Variants in LYPLAL1 observed in about 807,000 individuals in gnomAD.
LYPLAL1 encodes lysophospholipase-like protein 1.
In LYPLAL1, 23 loss-of-function variants were observed where a neutral mutation model predicts 19.7. The observed-to-expected ratio is 1.17, with a 90% confidence interval of 0.84 to 1.65. The LOEUF is 1.65. Among genes scored for constraint, LYPLAL1 ranks in the 40% most tolerant of loss-of-function variants. The pLI is 0.00. For missense variants in LYPLAL1, 355 were observed against 279.4 expected, an observed-to-expected ratio of 1.27 and a Z score of -1.93; for synonymous variants, 119 against 96.3, an observed-to-expected ratio of 1.24 and a Z score of -1.38.
the LYPLAL1 span, among the ~76,000 whole-genome samples, chr1:219,366,117 C>T: frequency 7.2e-5 from 11 of 152,188 alleles, no homozygotes; most frequent in South Asian, 2.1e-4. Flanking sequence ...AGCTACCTAA[C>T]GATGTGAATA....
chr1:219,306,845 TAGATAGAC>T, the LYPLAL1 span, among the ~76,000 whole-genome samples: 24 of 83,236 alleles, frequency 2.9e-4, no homozygotes, highest in African/African-American at 4.6e-4. Context: ...GATAGATAGA[TAGATAGAC>T]AGACAGACAG....
At chr1:219,232,003 C>T in the LYPLAL1 span, among the ~76,000 whole-genome samples, 32 of 152,260 alleles carry the variant, frequency 2.1e-4, no homozygotes, top group African/African-American at 7.5e-4. Flanking sequence ...ACTATTGTCC[C>T]TTCCTATACA....
In LYPLAL1 at chr1:219,212,441, A is replaced by G. The variant is rs560717365; in HGVS notation, c.*713A>G. ...ATAGCCAAAAGCCAATACATAATAA[A>G]CACTCAATAAAGATTAACCATAAGG... On this transcript the variant is annotated 3_prime_UTR_variant, in exon 5 of 5. Coordinates refer to ENST00000366928, the MANE Select transcript of LYPLAL1 (RefSeq NM_138794.5). 95 of 152,176 alleles carry G rather than the reference A, an allele frequency of 6.2e-4. 1 individual carries two copies. The South Asian group carries it at 0.019, about 31-fold the overall frequency. 9.4% of individuals were successfully genotyped at this position (152,176 alleles called of 1,614,324 possible).
the LYPLAL1 span, among the ~76,000 whole-genome samples, chr1:219,241,134 C>CTCTCTATATATATATATATATATA: frequency 6.8e-5 from 3 of 44,368 alleles, no homozygotes; most frequent in Admixed American, 3.5e-4. Flanking sequence ...CTCTCTCTCT[C>CTCTCTATATATATATATATATATA]TATATATATA....
chr1:219,215,214 C>T (rs143513191), downstream of LYPLAL1, among the ~76,000 whole-genome samples: 4 of 152,086 alleles, frequency 2.6e-5, no homozygotes, highest in East Asian at 3.9e-4. Flanking sequence ...CATTTGTTTT[C>T]GAAAGGTGTT....
At chr1:219,352,109 G>A in the LYPLAL1 span, among the ~76,000 whole-genome samples, 2 of 152,208 alleles carry the variant, frequency 1.3e-5, no homozygotes, top group African/African-American at 4.8e-5. Flanking sequence ...TAAGGAAAGA[G>A]CTTAAGGTCT....
At chr1:219,373,806 G>C in the LYPLAL1 span, among the ~76,000 whole-genome samples, 2 of 148,682 alleles carry the variant, frequency 1.3e-5, no homozygotes, top group Admixed American at 6.8e-5. Flanking sequence ...GCCACCCTTG[G>C]GCCTAGTTGT....
In LYPLAL1 at chr1:219,208,357, C is replaced by G. The variant is rs577301475; in HGVS notation, c.362-2175C>G. ...TATCTTGTTTTACTATAAATGAAAT[C>G]CAGCATTTTAAATAATTTACACAAA... On this transcript the variant is annotated intron_variant, in intron 3 of 4. Transcript: ENST00000366928. Among the ~76,000 whole-genome samples the G allele has an allele frequency of 2.0e-5, 3 of 152,056 alleles. No homozygotes were observed. The South Asian group carries it at 6.2e-4, about 32-fold the overall frequency.
chr1:219,313,561 G>C, the LYPLAL1 span, among the ~76,000 whole-genome samples: 2 of 149,668 alleles, frequency 1.3e-5, no homozygotes, highest in South Asian at 4.2e-4. Flanking sequence ...GTTTCACTCT[G>C]TCACCCAGGC....
At chr1:219,431,219 T>G in the LYPLAL1 span, among the ~76,000 whole-genome samples, 54 of 152,224 alleles carry the variant, frequency 3.5e-4, no homozygotes, top group African/African-American at 1.3e-3. Flanking sequence ...GCTTTGAATA[T>G]CCAAAGAACT....
chr1:219,210,580 A>G lies in LYPLAL1; in HGVS notation c.410A>G (p.Asn137Ser). The G allele has an allele frequency of 2.5e-6, 4 of 1,610,598 alleles. No homozygotes were observed. Among genetic ancestry groups the G allele is most frequent in the Non-Finnish European group, 3.4e-6 (4 of 1,177,870 alleles). ...GCMAIHLAYR[N>S]HQDVAGVFAL... ...ATGGCAATACATTTAGCATATAGAA[A>G]TCATCAAGATGTGGCAGGAGTATTT... Residue 137 changes from asparagine (N) to serine (S), a missense_variant, in exon 4 of 5, where the codon AAT becomes AGT. Asn to Ser is a conservative substitution (Grantham distance 46). Transcript: ENST00000366928.
chr1:219,286,112 G>GTACT, the LYPLAL1 span, among the ~76,000 whole-genome samples: 1 of 152,158 alleles, frequency 6.6e-6, no homozygotes, highest in Non-Finnish European at 1.5e-5. Context: ...TGGCCACCAG[G>GTACT]TACTGGCCCT....
At chr1:219,288,780 T>A in the LYPLAL1 span, among the ~76,000 whole-genome samples, 26 of 152,324 alleles carry the variant, frequency 1.7e-4, no homozygotes, top group African/African-American at 6.0e-4. Context: ...AATCTCTGTA[T>A]CTTCTTCTCA....
chr1:219,220,321 G>A, the LYPLAL1 span, among the ~76,000 whole-genome samples: 3 of 152,026 alleles, frequency 2.0e-5, no homozygotes, highest in Non-Finnish European at 4.4e-5. Context: ...ATCCATATCT[G>A]TTAACCAGAA....
the LYPLAL1 span, among the ~76,000 whole-genome samples, chr1:219,369,148 G>A: frequency 6.6e-6 from 1 of 152,278 alleles, no homozygotes; most frequent in East Asian, 1.9e-4. Context: ...AAACAGACCA[G>A]AGACAATAAA....
the LYPLAL1 span, among the ~76,000 whole-genome samples, chr1:219,424,259 C>G: frequency 6.6e-6 from 1 of 152,096 alleles, no homozygotes; most frequent in African/African-American, 2.4e-5. Context: ...CATTGACACT[C>G]TAGGTTAATC....
At chr1:219,386,020 TG>T in the LYPLAL1 span, among the ~76,000 whole-genome samples, 12 of 152,080 alleles carry the variant, frequency 7.9e-5, no homozygotes, top group Non-Finnish European at 1.6e-4. Context: ...CTCTAGTGGA[TG>T]GGGGACTCCA....
At chr1:219,335,503 A>T in the LYPLAL1 span, among the ~76,000 whole-genome samples, 1 of 151,946 alleles carries the variant, frequency 6.6e-6, no homozygotes, top group Non-Finnish European at 1.5e-5. Flanking sequence ...TATAAGAAAC[A>T]TAAAGTGCGA....
At chr1:219,236,473 C>T in the LYPLAL1 span, among the ~76,000 whole-genome samples, 3 of 152,268 alleles carry the variant, frequency 2.0e-5, no homozygotes, top group Non-Finnish European at 4.4e-5. Context: ...TTCATATATT[C>T]GTTTTTACTT....
Sources: gnomAD v4.1 joint callset for allele counts (sites outside exome capture counted in the v4.1 genomes callset) on GRCh38, gnomAD v4.1.1 for gene constraint, MANE v1.5 for transcripts, NCBI Gene and HGNC (gene_info 2026-07-23, HGNC 2026-07-21) for gene names.